The following SYTL5 variants were observed in gnomAD, a reference collection of about 807,000 sequenced individuals.
SYTL5 encodes synaptotagmin like 5, also known as synaptotagmin-like protein 5.
SYTL5 carries 34 observed loss-of-function variants against 55.9 expected under a neutral mutation model. The ratio of observed to expected loss-of-function variants is 0.61; its 90% confidence interval spans 0.46 to 0.81. The LOEUF (loss-of-function observed/expected upper bound fraction) is 0.81. Ranked by LOEUF, SYTL5 falls within the 30% of genes least tolerant of loss-of-function variation. The pLI, the probability that SYTL5 is intolerant of heterozygous loss-of-function variation, is 0.00. For synonymous variants in SYTL5, 221 were observed against 188.7 expected (o/e 1.17, Z -1.40); for missense variants, 637 against 546.7 (o/e 1.17, Z -1.65).
Position 38,007,673 on chromosome X carries a change from A to G in SYTL5, c.-357+1005A>G, listed in dbSNP as rs927952989. On this transcript the variant is annotated intron_variant, in intron 1 of 16. Coordinates refer to ENST00000297875, the MANE Select transcript of SYTL5 (RefSeq NM_138780.3). ...GTTGTTTATATGTTATTTGGACAAC[A>G]GCTTACACACAAAAGTGTTACAATT... is the stretch of plus-strand genomic sequence containing the variant. Among the ~76,000 whole-genome samples the G allele has an allele frequency of 2.7e-5, 3 of 111,702 alleles. No individual in the cohort carries two copies. In the Admixed American group the frequency reaches 2.8e-4, roughly 11 times the overall value.
chrX:38,118,605 T>C (rs1312836304), intron 13 of SYTL5, among the ~76,000 whole-genome samples: 3 of 111,797 alleles, frequency 2.7e-5, no homozygotes, highest in Non-Finnish European at 5.6e-5. Flanking sequence ...CACGTGCACA[T>C]TGACTTTCTT....
chrX:38,036,939 T>G (rs1935125326), intron 2 of SYTL5, among the ~76,000 whole-genome samples: 1 of 111,858 alleles, frequency 8.9e-6, no homozygotes, highest in Non-Finnish European at 1.9e-5. Context: ...TTATAATCAT[T>G]AGCCCTATAG....
chrX:38,114,050 C>T (rs1369455023), intron 13 of SYTL5, among the ~76,000 whole-genome samples: 1 of 111,245 alleles, frequency 9.0e-6, no homozygotes. Context: ...TTTTGGTCCC[C>T]CTTCCCCAGT....
chrX:37,963,872 A>G, the SYTL5 span, among the ~76,000 whole-genome samples: 61 of 111,491 alleles, frequency 5.5e-4, 1 homozygote, highest in East Asian at 0.017. Flanking sequence ...TTTGTTTATT[A>G]TGTTGAGGTA....
the SYTL5 span, among the ~76,000 whole-genome samples, chrX:37,919,706 A>ATAT: frequency 8.9e-6 from 1 of 112,201 alleles, no homozygotes; most frequent in African/African-American, 3.2e-5. Context: ...GCCACTTGTA[A>ATAT]TATTGGCCAC....
chrX:38,050,631 C>T (rs983548), intron 2 of SYTL5, among the ~76,000 whole-genome samples: 45,049 of 110,161 alleles, frequency 0.41, 8,874 homozygotes, highest in African/African-American at 0.77. Flanking sequence ...AAAAAATAAG[C>T]GGGAGCCAGC....
At chrX:37,902,582 T>C in the SYTL5 span, among the ~76,000 whole-genome samples, 1 of 112,225 alleles carries the variant, frequency 8.9e-6, no homozygotes, top group Non-Finnish European at 1.9e-5. Flanking sequence ...GAAATGCTTG[T>C]ATACATATAA....
intron 3 of SYTL5, among the ~76,000 whole-genome samples, chrX:38,062,456 T>C (rs944861178): frequency 8.9e-6 from 1 of 111,878 alleles, no homozygotes; most frequent in African/African-American, 3.3e-5. Flanking sequence ...ATAACTGAAA[T>C]AGATGAAAAA....
At position 38,120,445 on chromosome X, in the gene SYTL5, C is replaced by A. The variant is rs1254272283; in HGVS notation, c.1684C>A (p.Leu562Ile). The A allele has an allele frequency of 1.2e-5, 14 of 1,204,860 alleles. No homozygotes were observed. The highest frequency in any genetic ancestry group is 1.6e-5 in the Non-Finnish European group (14 of 889,170). ...RYIPPEENLM[L>I]PPEQLQGNKT... is the part of the protein sequence containing the mutation. ...CATTCCCCCAGAAGAGAACCTGATGCTTCCACCAGAACAACTCCAAGGTAG... is the reference window on the plus strand; with the variant it reads ...CATTCCCCCAGAAGAGAACCTGATGATTCCACCAGAACAACTCCAAGGTAG... Residue 562 changes from leucine to isoleucine, a missense_variant, in exon 14 of 17, where the codon CTT becomes ATT. Physicochemically the swap from Leu to Ile is conservative, Grantham distance 5 (BLOSUM62 2). Transcript: ENST00000297875.
At chrX:38,022,932 G>A (rs1934608020) in intron 1 of SYTL5, among the ~76,000 whole-genome samples, 1 of 111,518 alleles carries the variant, frequency 9.0e-6, no homozygotes, top group South Asian at 3.8e-4. Flanking sequence ...CTTTTTTAGA[G>A]GAATGAACTT....
rs1937557510 is a variant in SYTL5 at position 38,120,419 on chromosome X, A to G, written c.1658A>G (p.Tyr553Cys). 2 of 1,211,058 alleles carry G rather than the reference A, an allele frequency of 1.7e-6. No homozygotes were observed. The highest frequency in any genetic ancestry group is 2.2e-5 in the Admixed American group (1 of 46,025). The change falls in exon 14 of 17, where the codon TAC (tyrosine) becomes TGC (cysteine). Residue 553 changes from tyrosine to cysteine, a missense_variant. Physicochemically the swap from Tyr to Cys is radical, Grantham distance 194. Transcript: ENST00000297875. ...YKGELTVVLRYIPPEENLMLP... is the reference protein window; with the variant it reads ...YKGELTVVLRCIPPEENLMLP... ...GGAGAGCTGACAGTTGTTTTACGTT[A>G]CATTCCCCCAGAAGAGAACCTGATG...
At chrX:38,060,450 G>A (rs759818185) in intron 3 of SYTL5, among the ~76,000 whole-genome samples, 6 of 111,420 alleles carry the variant, frequency 5.4e-5, no homozygotes, top group South Asian at 3.8e-4. Flanking sequence ...GAATGTAAGG[G>A]CAGGAGTTTT....
intron 2 of SYTL5, among the ~76,000 whole-genome samples, chrX:38,049,421 G>A (rs1020081319): frequency 6.3e-5 from 7 of 111,576 alleles, no homozygotes; most frequent in Middle Eastern, 9.3e-3. Flanking sequence ...TTGACTGGTG[G>A]CTTTTGTGGT....
chrX:38,026,687 A>G (rs929284768), intron 1 of SYTL5, among the ~76,000 whole-genome samples: 8 of 111,660 alleles, frequency 7.2e-5, no homozygotes, highest in African/African-American at 2.3e-4. Context: ...TGGCATCTGT[A>G]AACTGTCATG....
At chrX:37,890,054 A>C in the SYTL5 span, among the ~76,000 whole-genome samples, 1 of 111,595 alleles carries the variant, frequency 9.0e-6, no homozygotes, top group African/African-American at 3.3e-5. Context: ...GGAAGGTAAC[A>C]AAAGCCCACC....
At chrX:37,983,636 A>T in the SYTL5 span, among the ~76,000 whole-genome samples, 1 of 112,292 alleles carries the variant, frequency 8.9e-6, no homozygotes, top group Non-Finnish European at 1.9e-5. Context: ...ACCACAAACC[A>T]ACTAGACCTA....
intron 3 of SYTL5, among the ~76,000 whole-genome samples, chrX:38,064,067 ATGTGTG>A (rs10593206): frequency 1.0e-5 from 1 of 100,015 alleles, no homozygotes; most frequent in Non-Finnish European, 2.0e-5. Context: ...ACATATATAT[ATGTGTG>A]TGTGTGTGTG....
At chrX:37,990,915 C>T in the SYTL5 span, 1 of 1,210,008 alleles carries the variant, frequency 8.3e-7, no homozygotes, top group African/African-American at 1.7e-5. Flanking sequence ...AAATGAGCTA[C>T]AGGTCCCTAG....
chrX:38,037,788 T>TGATAGATAGATAGATAGATA (rs3067489), intron 2 of SYTL5, among the ~76,000 whole-genome samples: 8 of 82,448 alleles, frequency 9.7e-5, no homozygotes, highest in East Asian at 3.4e-4. Context: ...AACATTTTTC[T>TGATAGATAGATAGATAGATA]GATAGATAGA....
Sources: gnomAD v4.1 joint callset for allele counts (sites outside exome capture counted in the v4.1 genomes callset) on GRCh38, gnomAD v4.1.1 for gene constraint, MANE v1.5 for transcripts, NCBI Gene and HGNC (gene_info 2026-07-23, HGNC 2026-07-21) for gene names.